ROBO2: variants seen among roughly 807,000 people sequenced by gnomAD.
ROBO2 encodes the protein roundabout homolog 2.
Under a neutral mutation model 160.8 loss-of-function variants are expected in ROBO2, and 53 were observed. The ratio of observed to expected loss-of-function variants is 0.33; its 90% CI spans 0.26 to 0.41. The LOEUF is 0.41. Among genes scored for constraint, ROBO2 ranks in the 10% least tolerant of loss-of-function variants. ROBO2 has a pLI of 1.00. For missense variants in ROBO2, 1,577 were observed against 1,722.4 expected, an observed-to-expected ratio of 0.92 and a Z score of 1.49; for synonymous variants, 664 against 611.7, an observed-to-expected ratio of 1.09 and a Z score of -1.26.
chr3:76,536,602 T>C (rs1364180143), intron 2 of ROBO2, among the ~76,000 whole-genome samples: 2 of 152,062 alleles, frequency 1.3e-5, no homozygotes, highest in Non-Finnish European at 2.9e-5. Context: ...CTTGGGAGCC[T>C]GTCTGCTATT....
intron 2 of ROBO2, among the ~76,000 whole-genome samples, chr3:76,947,608 G>T (rs374379911): frequency 6.6e-6 from 1 of 151,698 alleles, no homozygotes; most frequent in African/African-American, 2.4e-5. Context: ...CATGTGACTG[G>T]TTTTTTCTTA....
chr3:75,940,003 T>G (rs1208214222), intron 2 of ROBO2, among the ~76,000 whole-genome samples: 3 of 152,172 alleles, frequency 2.0e-5, no homozygotes, highest in Non-Finnish European at 4.4e-5. Flanking sequence ...GTGTGACTCC[T>G]GCAGCAAATA....
rs548202387 is a variant in ROBO2 at position 76,448,458 on chromosome 3, C to T, written c.109+510856C>T. Among the ~76,000 whole-genome samples the T allele has an allele frequency of 3.9e-5, 6 of 152,222 alleles. No individual in the cohort carries two copies. The East Asian group carries it at 7.7e-4, about 20-fold the overall frequency. ...GGCCAGTTCACCAAGGGCAAAATCC[C>T]TACTTGTGTCCTTCCTGTTGAAGGG... On this transcript the variant is annotated intron_variant, in intron 2 of 26. Transcript: ENST00000487694.
intron 2 of ROBO2, among the ~76,000 whole-genome samples, chr3:76,707,537 C>T (rs7649440): frequency 0.061 from 9,224 of 151,782 alleles, 834 homozygotes; most frequent in African/African-American, 0.2. Flanking sequence ...TGGAGCATGC[C>T]ACAAGTTCCC....
intron 24 of ROBO2, 44 bp from the exon 27 acceptor site, chr3:77,644,660 A>G (rs1215518369): frequency 1.3e-6 from 2 of 1,575,396 alleles, no homozygotes; most frequent in East Asian, 2.2e-5. Flanking sequence ...GTTTGCCTCC[A>G]TGTTTCTGTT....
intron 2 of ROBO2, among the ~76,000 whole-genome samples, chr3:76,654,124 T>C (rs962964598): frequency 6.6e-6 from 1 of 152,182 alleles, no homozygotes; most frequent in African/African-American, 2.4e-5. Flanking sequence ...GAAGTGAATA[T>C]TCATTACTGC....
chr3:77,413,775 G>T (rs1002322644), intron 2 of ROBO2, among the ~76,000 whole-genome samples: 1 of 152,182 alleles, frequency 6.6e-6, no homozygotes, highest in Non-Finnish European at 1.5e-5. Context: ...CTAACTGGAA[G>T]AACAGAATTG....
At chr3:76,564,814 T>A (rs2084414029) in intron 2 of ROBO2, among the ~76,000 whole-genome samples, 1 of 152,250 alleles carries the variant, frequency 6.6e-6, no homozygotes, top group Admixed American at 6.5e-5. Flanking sequence ...AGAGATTTTC[T>A]TGTCTTTTCT....
intron 2 of ROBO2, among the ~76,000 whole-genome samples, chr3:76,871,155 G>A (rs1399175251): frequency 5.3e-5 from 8 of 152,080 alleles, no homozygotes; most frequent in Non-Finnish European, 1.0e-4. Context: ...AAATGATTTC[G>A]TCATCACTCA....
chr3:76,207,652 C>T (rs959257060), intron 2 of ROBO2, among the ~76,000 whole-genome samples: 16 of 152,124 alleles, frequency 1.1e-4, no homozygotes, highest in African/African-American at 3.6e-4. Flanking sequence ...TGCCTACCCT[C>T]AAGGAACTTG....
At chr3:76,147,376 T>TTAA (rs75319659) in intron 2 of ROBO2, among the ~76,000 whole-genome samples, 56,367 of 144,438 alleles carry the variant, frequency 0.39, 11,604 homozygotes, top group South Asian at 0.5. Flanking sequence ...GGAATCAATA[T>TTAA]TAATTATCTT....
intron 5 of ROBO2, among the ~76,000 whole-genome samples, chr3:77,500,274 C>A (rs2087395138): frequency 6.6e-6 from 1 of 152,108 alleles, no homozygotes; most frequent in African/African-American, 2.4e-5. Context: ...AGTATTACAG[C>A]ATAATATTAC....
intron 2 of ROBO2, among the ~76,000 whole-genome samples, chr3:77,307,607 G>T (rs1210919683): frequency 5.3e-5 from 8 of 152,176 alleles, no homozygotes; most frequent in Non-Finnish European, 1.0e-4. Flanking sequence ...TGGGGGCAAG[G>T]TGCGGTAGCT....
intron 2 of ROBO2, among the ~76,000 whole-genome samples, chr3:76,719,086 C>T (rs973905768): frequency 1.3e-5 from 2 of 151,764 alleles, no homozygotes; most frequent in Non-Finnish European, 2.9e-5. Context: ...CTACTGTGGC[C>T]CTATTTTGTT....
chr3:77,512,420 G>A (rs1453330609), intron 5 of ROBO2, among the ~76,000 whole-genome samples: 1 of 151,944 alleles, frequency 6.6e-6, no homozygotes, highest in Non-Finnish European at 1.5e-5. Context: ...TTTCATAGAA[G>A]CGTGCCTTGA....
chr3:77,029,979 T>G (rs981194667), intron 2 of ROBO2, among the ~76,000 whole-genome samples: 1 of 151,442 alleles, frequency 6.6e-6, no homozygotes, highest in Admixed American at 6.6e-5. Flanking sequence ...AGAGTCTCGC[T>G]CTGTCGCCCA....
chr3:77,068,586 C>T (rs1229036498), intron 1 of ROBO2, among the ~76,000 whole-genome samples: 2 of 152,000 alleles, frequency 1.3e-5, no homozygotes, highest in African/African-American at 4.8e-5. Flanking sequence ...TCAAAATTCA[C>T]CCCAAAGTAT....
At chr3:77,192,541 T>C (rs2081950096) in intron 2 of ROBO2, among the ~76,000 whole-genome samples, 1 of 152,146 alleles carries the variant, frequency 6.6e-6, no homozygotes, top group Non-Finnish European at 1.5e-5. Flanking sequence ...CTAAAAATTG[T>C]TTCAGTTATT....
chr3:75,933,041 C>T (rs1345865298), intron 1 of ROBO2, among the ~76,000 whole-genome samples: 1 of 151,990 alleles, frequency 6.6e-6, no homozygotes, highest in Non-Finnish European at 1.5e-5. Flanking sequence ...TGAGATAAGC[C>T]CTGCCTGTGA....
Sources: allele counts gnomAD v4.1 joint callset (sites outside exome capture counted in the v4.1 genomes callset), GRCh38; gene constraint gnomAD v4.1.1; transcripts MANE v1.5; gene names NCBI Gene and HGNC (gene_info 2026-07-23, HGNC 2026-07-21).